Variants in MYD88 observed in about 807,000 individuals in gnomAD.
The protein encoded by MYD88 is MYD88 innate immune signal transduction adaptor, also known as myeloid differentiation primary response protein MyD88.
In MYD88, 15 loss-of-function variants were observed where a neutral mutation model predicts 31.1. That is an observed-to-expected ratio of 0.48 (90% CI 0.32 to 0.74). The LOEUF (loss-of-function observed/expected upper bound fraction) is 0.74. Ranked by LOEUF, MYD88 falls within the 30% of genes least tolerant of loss-of-function variation. The pLI is 0.03. For synonymous variants in MYD88, 157 were observed against 158.8 expected, an observed-to-expected ratio of 0.99 and a Z score of 0.08; for missense variants, 308 against 387.4, an observed-to-expected ratio of 0.79 and a Z score of 1.72.
Position 38,138,967 on chromosome 3 carries a change from G to T in MYD88, c.267G>T (p.Leu89=). ...QGRPGASVGR[L]LELLTKLGRD... is the part of the protein sequence containing the mutation. ...GCCCTGGCGCCTCTGTAGGCCGACTGCTCGAGCTGCTTACCAAGCTGGGCC... is the reference window on the plus strand; with the variant it reads ...GCCCTGGCGCCTCTGTAGGCCGACTTCTCGAGCTGCTTACCAAGCTGGGCC... The change falls in exon 1 of 5, where the codon CTG becomes CTT. Residue 89 remains leucine (L), a synonymous_variant. Coordinates refer to ENST00000650905, the MANE Select transcript of MYD88 (RefSeq NM_002468.5). The surrounding 1 kb of genome is among the most constrained non-coding windows in gnomAD (Gnocchi z 6.4). The T allele has an allele frequency of 6.2e-7, 1 of 1,608,986 alleles. No homozygotes were observed. The highest frequency in any genetic ancestry group is 1.1e-5 in the South Asian group (1 of 91,082).
At position 38,139,662 on chromosome 3, in the gene MYD88, A is replaced by G; in HGVS notation, c.329-202A>G. 1 of 636,700 alleles carries G rather than the reference A, an allele frequency of 1.6e-6. No individual in the cohort carries two copies. Among genetic ancestry groups the G allele is most frequent in the Non-Finnish European group, 2.8e-6 (1 of 362,122 alleles). 39.4% of individuals were successfully genotyped at this position (636,700 alleles called of 1,614,324 possible). A position where few individuals can be genotyped will look rare whatever the true frequency, so the allele number is the denominator to read the frequency against. On this transcript the variant is annotated intron_variant, in intron 1 of 4. Transcript: ENST00000650905. This position sits in a 1 kb window ranked among gnomAD's most constrained non-coding sequence, Gnocchi z 4.7. ...TGATGGCCTTCCAGAAAGCCAGAAC[A>G]CCACTGACATCCCTTTGGGTCAGTT...
chr3:38,138,760 TC>T lies in MYD88; in HGVS notation c.64del (p.Leu22TrpfsTer16). On this transcript the variant is annotated frameshift_variant, in exon 1 of 5. Coordinates refer to ENST00000650905, the MANE Select transcript of MYD88 (RefSeq NM_002468.5). LOFTEE classifies it high-confidence loss of function. The surrounding 1 kb of genome is among the most constrained non-coding windows in gnomAD (Gnocchi z 6.4). ...AAPVSSTSSLPLAALNMRVRR... is the reference protein window; with the variant it reads ...AAPVSSTSSLXLAALNMRVRR... ...CCCCGGTCTCCTCCACATCCTCCCT[TC>T]CCCTGGCTGCTCTCAACATGCGAGT... 6.2e-7 allele frequency: 1 copy of T among 1,612,582 alleles called. No individual in the cohort carries two copies. Among genetic ancestry groups the T allele is most frequent in the Non-Finnish European group, 8.5e-7 (1 of 1,179,796 alleles).
Position 38,141,466 on chromosome 3 carries a change from ACCAGTGGCTGTGAGTGGCATGT to A in MYD88, c.*184_*205del. Reference sequence around the variant, plus strand: ...CATCACATTTCATGTCCTGCATGGAACCAGTGGCTGTGAGTGGCATGTCCACTTGCTGGATTATCAGCCAGGA... The same window carrying A: ...CATCACATTTCATGTCCTGCATGGAACCACTTGCTGGATTATCAGCCAGGA... On this transcript the variant is annotated 3_prime_UTR_variant, in exon 5 of 5. Coordinates refer to ENST00000650905, the MANE Select transcript of MYD88 (RefSeq NM_002468.5). 1 of 815,766 alleles carries A rather than the reference ACCAGTGGCTGTGAGTGGCATGT, an allele frequency of 1.2e-6. No individual in the cohort carries two copies. Among genetic ancestry groups the A allele is most frequent in the Non-Finnish European group, 2.0e-6 (1 of 492,548 alleles). 50.5% of individuals were successfully genotyped at this position (815,766 alleles called of 1,614,324 possible).
At position 38,139,451 on chromosome 3, in the gene MYD88, A is replaced by G. The variant is rs750895942; in HGVS notation, c.329-413A>G. The G allele has an allele frequency of 2.8e-5, 11 of 393,674 alleles. No individual in the cohort carries two copies. Among genetic ancestry groups the G allele is most frequent in the Non-Finnish European group, 4.8e-5 (10 of 209,308 alleles). The allele number at this position is 393,674 out of a possible 1,614,324, so 24.4% of individuals were successfully genotyped here. ...TAATATACATGCATAGGCGTTGGAT[A>G]CAGCCGCCCACAGACAGGCACACCT... On this transcript the variant is annotated intron_variant, in intron 1 of 4. Transcript: ENST00000650905. The surrounding 1 kb of genome is among the most constrained non-coding windows in gnomAD (Gnocchi z 4.7).
intron 4 of MYD88, 51 bp downstream of exon 4, chr3:38,140,899 C>A (rs2125779931): frequency 6.4e-7 from 1 of 1,561,652 alleles, no homozygotes; most frequent in Non-Finnish European, 8.8e-7. Flanking sequence ...GTAGGTGGGG[C>A]CTCTGGATTG....
chr3:38,139,255 T>C lies in MYD88; in HGVS notation c.328+227T>C. ...TAGGCGGAGATGGGAAGGAAGCAGC[T>C]TAGGCAGAGGCTTTCAGGTAGGGCC... On this transcript the variant is annotated intron_variant, in intron 1 of 4. Transcript: ENST00000650905. This position sits in a 1 kb window ranked among gnomAD's most constrained non-coding sequence, Gnocchi z 4.7. The C allele has an allele frequency of 1.6e-6, 1 of 632,072 alleles. No individual in the cohort carries two copies. The highest frequency in any genetic ancestry group is 2.7e-6 in the Non-Finnish European group (1 of 372,036). The allele number at this position is 632,072 out of a possible 1,614,324, so 39.2% of individuals were successfully genotyped here. A position where few individuals can be genotyped will look rare whatever the true frequency, so the allele number is the denominator to read the frequency against.
rs981486110 is a variant in MYD88, at chr3:38,141,513, A to T, written c.*227A>T. On this transcript the variant is annotated 3_prime_UTR_variant, in exon 5 of 5. Transcript: ENST00000650905. Reference sequence around the variant, plus strand: ...TCCACTTGCTGGATTATCAGCCAGGACACTATAGAACAGGACCAGCTGAGA... The same window carrying T: ...TCCACTTGCTGGATTATCAGCCAGGTCACTATAGAACAGGACCAGCTGAGA... 9.5e-5 allele frequency: 60 copies of T among 631,782 alleles called. 1 individual carries two copies. In the Admixed American group the frequency reaches 1.3e-3, roughly 14 times the overall value. 39.1% of individuals were successfully genotyped at this position (631,782 alleles called of 1,614,324 possible).
rs1700983202 is a variant in MYD88 at position 38,138,673 on chromosome 3, C to T, written c.-28C>T. On this transcript the variant is annotated 5_prime_UTR_variant, in exon 1 of 5. Transcript: ENST00000650905. The surrounding 1 kb of genome is among the most constrained non-coding windows in gnomAD (Gnocchi z 6.4). ...AGCGCTGGCAGACAATGCGACCCGA[C>T]CGCGCTGAGGCTCCAGGACCGCCCG... The T allele has an allele frequency of 6.4e-7, 1 of 1,564,044 alleles. No individual in the cohort carries two copies. Among genetic ancestry groups the T allele is most frequent in the Non-Finnish European group, 8.7e-7 (1 of 1,151,762 alleles).
At position 38,140,859 on chromosome 3, in the gene MYD88, C is replaced by T. The variant is rs1381045832; in HGVS notation, c.736+11C>T. On this transcript the variant is annotated intron_variant, in intron 4 of 4. Coordinates refer to ENST00000650905, the MANE Select transcript of MYD88 (RefSeq NM_002468.5). ...TCAGCCTCTCTCCAGGTAAGCTCAA[C>T]CCTGCTCTGGCAAGAGAATGAGGGA... The T allele has an allele frequency of 1.2e-6, 2 of 1,611,644 alleles. No homozygotes were observed. Among genetic ancestry groups the T allele is most frequent in the Admixed American group, 1.7e-5 (1 of 60,014 alleles).
chr3:38,141,315 G>A lies in MYD88; in HGVS notation c.*29G>A, dbSNP rs1376525313. 1.9e-6 allele frequency: 3 copies of A among 1,613,930 alleles called. No individual in the cohort carries two copies. The highest frequency in any genetic ancestry group is 3.3e-4 in the Middle Eastern group (2 of 6,062). Reference sequence around the variant, plus strand: ...CTGTTCTGAGGCCCTGGGTGTGTGTGTATCTGTCTGCCTGTCCATGTACTT... The same window carrying A: ...CTGTTCTGAGGCCCTGGGTGTGTGTATATCTGTCTGCCTGTCCATGTACTT... On this transcript the variant is annotated 3_prime_UTR_variant, in exon 5 of 5. Transcript: ENST00000650905.
At position 38,140,826 on chromosome 3, in the gene MYD88, A is replaced by G. The variant is rs1259203364; in HGVS notation, c.714A>G (p.Lys238=). 6.2e-7 allele frequency: 1 copy of G among 1,614,040 alleles called. No homozygotes were observed. ...LQSKECDFQT[K]FALSLSPGAH... Reference sequence around the variant, plus strand: ...GCAAGGAATGTGACTTCCAGACCAAATTTGCACTCAGCCTCTCTCCAGGTA... The same window carrying G: ...GCAAGGAATGTGACTTCCAGACCAAGTTTGCACTCAGCCTCTCTCCAGGTA... The change falls in exon 4 of 5, where the codon AAA becomes AAG. Residue 238 remains lysine (K), a synonymous_variant. Transcript: ENST00000650905.
At position 38,140,822 on chromosome 3, in the gene MYD88, C is replaced by G. The variant is rs748570124; in HGVS notation, c.710C>G (p.Thr237Ser). Reference protein sequence around the residue: ...YLQSKECDFQTKFALSLSPGA... With the variant: ...YLQSKECDFQSKFALSLSPGA... The stretch of plus-strand genomic sequence containing the variant: ...CAGAGCAAGGAATGTGACTTCCAGA[C>G]CAAATTTGCACTCAGCCTCTCTCCA... The change falls in exon 4 of 5, where the codon ACC (threonine) becomes AGC (serine). Residue 237 changes from threonine (T) to serine (S), a missense_variant. Thr to Ser is a moderately conservative substitution (Grantham distance 58, BLOSUM62 1). Coordinates refer to ENST00000650905, the MANE Select transcript of MYD88 (RefSeq NM_002468.5). The G allele has an allele frequency of 1.2e-6, 2 of 1,614,188 alleles. No individual in the cohort carries two copies. The highest frequency in any genetic ancestry group is 1.7e-6 in the Non-Finnish European group (2 of 1,180,044).
rs1355931418 is a variant in MYD88, at chr3:38,140,470, G to A, written c.546G>A (p.Leu182=). 2 of 1,614,108 alleles carry A rather than the reference G, an allele frequency of 1.2e-6. No homozygotes were observed. The highest frequency in any genetic ancestry group is 2.7e-5 in the African/African-American group (2 of 74,936). The change falls in exon 3 of 5, where the codon CTG becomes CTA. Residue 182 remains leucine (L), a synonymous_variant. Coordinates refer to ENST00000650905, the MANE Select transcript of MYD88 (RefSeq NM_002468.5). ...TTGTGCAGGAGATGATCCGGCAACTGGAACAGACAAACTATCGACTGAAGT... is the reference window on the plus strand; with the variant it reads ...TTGTGCAGGAGATGATCCGGCAACTAGAACAGACAAACTATCGACTGAAGT... ...IQFVQEMIRQ[L]EQTNYRLKLC...
Position 38,139,879 on chromosome 3 carries a change from A to C in MYD88, c.344A>C (p.Lys115Thr). ...LGPSIEEDCQKYILKQQQEEA... is the reference protein window; with the variant it reads ...LGPSIEEDCQTYILKQQQEEA... ...TTCCCCACAGAGGAGGATTGCCAAA[A>C]GTATATCTTGAAGCAGCAGCAGGAG... Residue 115 changes from lysine (K) to threonine (T), a missense_variant, in exon 2 of 5, where the codon AAG becomes ACG. Lys to Thr is a moderately conservative substitution (Grantham distance 78). Coordinates refer to ENST00000650905, the MANE Select transcript of MYD88 (RefSeq NM_002468.5). The surrounding 1 kb of genome is among the most constrained non-coding windows in gnomAD (Gnocchi z 4.7). 6.2e-7 allele frequency: 1 copy of C among 1,613,218 alleles called. No individual in the cohort carries two copies. The highest frequency in any genetic ancestry group is 8.5e-7 in the Non-Finnish European group (1 of 1,180,016).
chr3:38,141,533 C>G lies in MYD88; in HGVS notation c.*247C>G. Reference sequence around the variant, plus strand: ...CCAGGACACTATAGAACAGGACCAGCTGAGACTAAGAAGGACCAGCAGAGC... The same window carrying G: ...CCAGGACACTATAGAACAGGACCAGGTGAGACTAAGAAGGACCAGCAGAGC... On this transcript the variant is annotated 3_prime_UTR_variant, in exon 5 of 5. Coordinates refer to ENST00000650905, the MANE Select transcript of MYD88 (RefSeq NM_002468.5). 1.7e-6 allele frequency: 1 copy of G among 588,142 alleles called. No homozygotes were observed. The highest frequency in any genetic ancestry group is 3.1e-6 in the Non-Finnish European group (1 of 325,908). 36.4% of individuals were successfully genotyped at this position (588,142 alleles called of 1,614,324 possible).
At position 38,139,851 on chromosome 3, in the gene MYD88, C is replaced by A. The variant is rs372702557; in HGVS notation, c.329-13C>A. The A allele has an allele frequency of 6.2e-7, 1 of 1,612,406 alleles. No individual in the cohort carries two copies. Among genetic ancestry groups the A allele is most frequent in the South Asian group, 1.1e-5 (1 of 90,990 alleles). ...TCCCAGGGAGGCTGCTTTACTCTGT[C>A]TCTTCCCCACAGAGGAGGATTGCCA... On this transcript the variant is annotated splice_polypyrimidine_tract_variant and intron_variant, in intron 1 of 4. Transcript: ENST00000650905. The surrounding 1 kb of genome is among the most constrained non-coding windows in gnomAD (Gnocchi z 4.7).
Position 38,142,020 on chromosome 3 carries a change from T to C in MYD88, c.*734T>C. On this transcript the variant is annotated 3_prime_UTR_variant, in exon 5 of 5. Coordinates refer to ENST00000650905, the MANE Select transcript of MYD88 (RefSeq NM_002468.5). Reference sequence around the variant, plus strand: ...CTGAGCAGCTTGGGCTGCTTTTCATTTCCACCTGTCAGGATGCCTGTGGTC... The same window carrying C: ...CTGAGCAGCTTGGGCTGCTTTTCATCTCCACCTGTCAGGATGCCTGTGGTC... The C allele has an allele frequency of 4.2e-6, 1 of 235,974 alleles. No individual in the cohort carries two copies. The highest frequency in any genetic ancestry group is 2.2e-5 in the African/African-American group (1 of 45,478). The allele number at this position is 235,974 out of a possible 1,614,324, so 14.6% of individuals were successfully genotyped here.
At position 38,138,911 on chromosome 3, in the gene MYD88, A is replaced by T; in HGVS notation, c.211A>T (p.Thr71Ser). The T allele has an allele frequency of 6.2e-7, 1 of 1,613,108 alleles. No individual in the cohort carries two copies. The highest frequency in any genetic ancestry group is 1.1e-5 in the South Asian group (1 of 91,082). ...GCAACTGGAGACACAAGCGGACCCCACTGGCAGGCTGCTGGACGCCTGGCA... is the reference window on the plus strand; with the variant it reads ...GCAACTGGAGACACAAGCGGACCCCTCTGGCAGGCTGCTGGACGCCTGGCA... ...IRQLETQADP[T>S]GRLLDAWQGR... The change falls in exon 1 of 5, where the codon ACT (threonine) becomes TCT (serine). Residue 71 changes from threonine to serine, a missense_variant. Thr to Ser is a moderately conservative substitution (Grantham distance 58, BLOSUM62 1). Transcript: ENST00000650905. The surrounding 1 kb of genome is among the most constrained non-coding windows in gnomAD (Gnocchi z 6.4).
rs772149966 is a variant in MYD88, at chr3:38,141,321, G to T, written c.*35G>T. 4 of 1,613,580 alleles carry T rather than the reference G, an allele frequency of 2.5e-6. No individual in the cohort carries two copies. Among genetic ancestry groups the T allele is most frequent in the Non-Finnish European group, 3.4e-6 (4 of 1,179,594 alleles). ...TGAGGCCCTGGGTGTGTGTGTATCT[G>T]TCTGCCTGTCCATGTACTTCTGCCC... On this transcript the variant is annotated 3_prime_UTR_variant, in exon 5 of 5. Coordinates refer to ENST00000650905, the MANE Select transcript of MYD88 (RefSeq NM_002468.5).
Sources: allele counts gnomAD v4.1 joint callset, GRCh38; gene constraint gnomAD v4.1.1; non-coding constraint Gnocchi (gnomAD v3.1); transcripts MANE v1.5; gene names NCBI Gene and HGNC (gene_info 2026-07-23, HGNC 2026-07-21).